Variants in CD164 observed in about 807,000 individuals in gnomAD.
The protein encoded by CD164 is sialomucin core protein 24.
Under a neutral mutation model 24.6 loss-of-function variants are expected in CD164, and 11 were observed. The ratio of observed to expected loss-of-function variants is 0.45; its 90% confidence interval spans 0.28 to 0.74. The LOEUF is 0.74. Among genes scored for constraint, CD164 ranks in the 30% least tolerant of loss-of-function variants. CD164 has a pLI of 0.13. For missense variants in CD164, 295 were observed against 243.7 expected, an observed-to-expected ratio of 1.21 and a Z score of -1.40; for synonymous variants, 126 against 100.3, an observed-to-expected ratio of 1.26 and a Z score of -1.53.
At chr6:109,378,948 TA>T (rs1771579507) in intron 2 of CD164, among the ~76,000 whole-genome samples, 1 of 152,032 alleles carries the variant, frequency 6.6e-6, no homozygotes, top group Non-Finnish European at 1.5e-5. Flanking sequence ...CACTTTACAT[TA>T]AAAAACAATT....
At chr6:109,378,569 T>C (rs1358309952) in intron 2 of CD164, among the ~76,000 whole-genome samples, 1 of 152,238 alleles carries the variant, frequency 6.6e-6, no homozygotes, top group Non-Finnish European at 1.5e-5. Context: ...TTTAGTCTTC[T>C]ATACTTTCTA....
At chr6:109,381,966 GC>G in intron 1 of CD164, 2 of 377,092 alleles carry the variant, frequency 5.3e-6, no homozygotes, top group Non-Finnish European at 9.4e-6. Context: ...TTCGAGGGGG[GC>G]CCCAGCCCCG....
chr6:109,382,120 A>ACCCGGG, intron 1 of CD164, 84 bp downstream of exon 1: 1 of 1,219,594 alleles, frequency 8.2e-7, no homozygotes, highest in Non-Finnish European at 1.0e-6. Flanking sequence ...CGTGGCCCGA[A>ACCCGGG]CCCGGGCCCC....
At chr6:109,371,745 G>T (rs1771085120) in intron 4 of CD164, 1 of 153,644 alleles carries the variant, frequency 6.5e-6, no homozygotes, top group Admixed American at 6.5e-5. Context: ...TAAGGGTAGG[G>T]TTCAAATTTT....
chr6:109,380,746 T>C (rs1026974972), intron 1 of CD164, among the ~76,000 whole-genome samples: 2 of 152,186 alleles, frequency 1.3e-5, no homozygotes, highest in Admixed American at 6.5e-5. Context: ...CATACCTCCT[T>C]TGCACGCACT....
rs1467383629 is a variant in CD164 at position 109,366,729 on chromosome 6, G to A, written c.*2122C>T. The A allele has an allele frequency of 6.7e-6, 1 of 149,788 alleles. No homozygotes were observed. Among genetic ancestry groups the A allele is most frequent in the Non-Finnish European group, 1.5e-5 (1 of 67,966 alleles). The allele number at this position is 149,788 out of a possible 1,614,324, so 9.3% of individuals were successfully genotyped here. On this transcript the variant is annotated 3_prime_UTR_variant, in exon 6 of 6. Transcript: ENST00000310786. The stretch of plus-strand genomic sequence containing the variant: ...TGAAAAGGTTTCTATATACCTTCTG[G>A]ATTTTAAAAAAACCCAAAAATTAAT...
At chr6:109,382,032 G>A in intron 1 of CD164, 172 bp downstream of exon 1, 1 of 493,508 alleles carries the variant, frequency 2.0e-6, no homozygotes, top group Non-Finnish European at 3.1e-6. Context: ...CACCCGGCCC[G>A]GCCACGAGTG....
In CD164 at chr6:109,376,131, A is replaced by AG. The variant is rs1210108736; in HGVS notation, c.332-20dup. The AG allele has an allele frequency of 6.4e-7, 1 of 1,551,400 alleles. No individual in the cohort carries two copies. Among genetic ancestry groups the AG allele is most frequent in the African/African-American group, 1.4e-5 (1 of 71,348 alleles). ...GTGGAAACTATTAAAAAAAGAAAAA[A>AG]GAAAAACCATATACATCAAAGCTAT... On this transcript the variant is annotated intron_variant, in intron 3 of 5. Coordinates refer to ENST00000310786, the MANE Select transcript of CD164 (RefSeq NM_006016.6).
At position 109,370,407 on chromosome 6, in the gene CD164, T is replaced by C. The variant is rs1771011704; in HGVS notation, c.427+4A>G. 3 of 1,609,624 alleles carry C rather than the reference T, an allele frequency of 1.9e-6. No individual in the cohort carries two copies. The highest frequency in any genetic ancestry group is 1.1e-5 in the South Asian group (1 of 90,960). ...TCATTGCTAATCTAAAAAGCCTCAA[T>C]TACCTGATGTAGTAACTGTCTTGGA... On this transcript the variant is annotated splice_donor_region_variant and intron_variant, in intron 5 of 5. Transcript: ENST00000310786.
chr6:109,378,112 A>G, intron 2 of CD164, 141 bp from the exon 3 acceptor site: 4 of 625,062 alleles, frequency 6.4e-6, no homozygotes, highest in African/African-American at 3.6e-5. Flanking sequence ...GTTTTGACCT[A>G]AAGTTAAACC....
rs138243285 is a variant in CD164 at position 109,373,392 on chromosome 6, C to T, written c.370+2682G>A. Reference sequence around the variant, plus strand: ...CCCTTCACTTCTCACTTGCTCTCTTCGGCAGACGGTACACATGCCCGGAAA... The same window carrying T: ...CCCTTCACTTCTCACTTGCTCTCTTTGGCAGACGGTACACATGCCCGGAAA... On this transcript the variant is annotated intron_variant, in intron 4 of 5. Transcript: ENST00000310786. 9.6e-3 allele frequency among the ~76,000 whole-genome samples: 1,467 copies of T among 152,288 alleles called. 28 individuals are homozygous for T. The highest frequency in any genetic ancestry group is 0.06 in the East Asian group (310 of 5,184).
At position 109,373,412 on chromosome 6, in the gene CD164, C is replaced by T. The variant is rs918246135; in HGVS notation, c.370+2662G>A. On this transcript the variant is annotated intron_variant, in intron 4 of 5. Coordinates refer to ENST00000310786, the MANE Select transcript of CD164 (RefSeq NM_006016.6). ...CTCTTCGGCAGACGGTACACATGCC[C>T]GGAAAAGAAACCGCCTAAAGGTTTG... 6.6e-5 allele frequency among the ~76,000 whole-genome samples: 10 copies of T among 152,120 alleles called. No individual in the cohort carries two copies. In the East Asian group the frequency reaches 1.7e-3, roughly 26 times the overall value.
chr6:109,381,464 T>TCTCCGTCTCTGCATCTAC (rs1371373879), intron 1 of CD164: 1 of 700,844 alleles, frequency 1.4e-6, no homozygotes, highest in Non-Finnish European at 2.6e-6. Context: ...AGTTTACTCA[T>TCTCCGTCTCTGCATCTAC]CTCCGTCTCT....
At chr6:109,371,791 G>C (rs1771087470) in intron 4 of CD164, 1 of 153,378 alleles carries the variant, frequency 6.5e-6, no homozygotes, top group Non-Finnish European at 1.5e-5. Context: ...AGCTAAGAGA[G>C]CTTATTTTGT....
chr6:109,369,237 A>G (rs750548784), intron 5 of CD164, among the ~76,000 whole-genome samples: 18 of 152,230 alleles, frequency 1.2e-4, no homozygotes, highest in Non-Finnish European at 2.6e-4. Context: ...GTACTAGTAC[A>G]AATATAAAAA....
At chr6:109,381,228 T>C (rs1771719821) in intron 1 of CD164, among the ~76,000 whole-genome samples, 1 of 152,210 alleles carries the variant, frequency 6.6e-6, no homozygotes, top group Admixed American at 6.5e-5. Flanking sequence ...TTTTGTGTTG[T>C]CACGGTATAT....
At chr6:109,381,745 A>C (rs1019154155) in intron 1 of CD164, 5 of 588,062 alleles carry the variant, frequency 8.5e-6, no homozygotes, top group Non-Finnish European at 1.5e-5. Flanking sequence ...CTTCCGGAGA[A>C]GGCTACCTCC....
rs755862491 is a variant in CD164, at chr6:109,369,009, T to C, written c.436A>G (p.Asn146Asp). 3 of 1,611,140 alleles carry C rather than the reference T, an allele frequency of 1.9e-6. No individual in the cohort carries two copies. The highest frequency in any genetic ancestry group is 2.2e-5 in the South Asian group (2 of 90,410). Residue 146 changes from asparagine to aspartate, a missense_variant, in exon 6 of 6, where the codon AAT (asparagine) becomes GAT (aspartate). Coordinates refer to ENST00000310786, the MANE Select transcript of CD164 (RefSeq NM_006016.6). ...TGTGAGGTTGGAGTCACAGTGTTATTTGTTGTACCTGTTAGATAAGACAAA... is the reference window on the plus strand; with the variant it reads ...TGTGAGGTTGGAGTCACAGTGTTATCTGTTGTACCTGTTAGATAAGACAAA... ...SKTVTTSGTT[N>D]NTVTPTSQPV...
At chr6:109,381,143 A>C (rs1771715198) in intron 1 of CD164, among the ~76,000 whole-genome samples, 1 of 152,242 alleles carries the variant, frequency 6.6e-6, no homozygotes, top group Admixed American at 6.5e-5. Flanking sequence ...TAGAATAACC[A>C]ATCATACGAG....
Sources: gnomAD v4.1 joint callset for allele counts (sites outside exome capture counted in the v4.1 genomes callset) on GRCh38, gnomAD v4.1.1 for gene constraint, MANE v1.5 for transcripts, NCBI Gene and HGNC (gene_info 2026-07-23, HGNC 2026-07-21) for gene names.